ABCA13: variants seen among roughly 807,000 people sequenced by gnomAD.
ABCA13 encodes the protein ATP binding cassette subfamily A member 13.
A neutral mutation model predicts 478.7 loss-of-function variants in ABCA13; 476 were observed. The observed-to-expected ratio is 0.99, with a 90% CI of 0.92 to 1.07. ABCA13 has a LOEUF of 1.07. ABCA13 is among the 50% of genes least tolerant of loss of function. The pLI, the probability that ABCA13 is intolerant of heterozygous loss-of-function variation, is 0.00. For synonymous variants in ABCA13, 2,252 were observed against 2,158.9 expected (o/e 1.04, Z -1.20); for missense variants, 6,060 against 5,910.6 (o/e 1.03, Z -0.83).
chr7:48,197,150 A>T (rs942706969), intron 2 of ABCA13, among the ~76,000 whole-genome samples: 5 of 152,240 alleles, frequency 3.3e-5, no homozygotes, highest in Admixed American at 6.5e-5. Flanking sequence ...CAGGCTGCAC[A>T]TGCAGGAGGA....
intron 55 of ABCA13, among the ~76,000 whole-genome samples, chr7:48,532,099 A>G (rs1020485017): frequency 6.6e-6 from 1 of 152,082 alleles, no homozygotes; most frequent in Non-Finnish European, 1.5e-5. Context: ...GAATGCTTTC[A>G]GCTTGTCCCC....
At chr7:48,423,654 T>G (rs1309860555) in intron 41 of ABCA13, among the ~76,000 whole-genome samples, 1 of 152,170 alleles carries the variant, frequency 6.6e-6, no homozygotes, top group Non-Finnish European at 1.5e-5. Flanking sequence ...GATCCCCAAA[T>G]GAAGAATCCC....
intron 15 of ABCA13, among the ~76,000 whole-genome samples, chr7:48,266,117 A>G (rs142696096): frequency 1.0e-3 from 159 of 151,790 alleles, no homozygotes; most frequent in South Asian, 1.2e-3. Flanking sequence ...CATAACTGAG[A>G]TAAACTCCAC....
At chr7:48,329,373 G>A (rs1804841596) in intron 27 of ABCA13, among the ~76,000 whole-genome samples, 1 of 152,106 alleles carries the variant, frequency 6.6e-6, no homozygotes, top group East Asian at 1.9e-4. Flanking sequence ...GTTATTTCAT[G>A]TTCTATTGAA....
chr7:48,450,304 A>T (rs1387343704), intron 42 of ABCA13, among the ~76,000 whole-genome samples: 2 of 152,208 alleles, frequency 1.3e-5, no homozygotes, highest in East Asian at 3.8e-4. Flanking sequence ...TTATTTCCTG[A>T]ATAAGTGTAC....
chr7:48,330,377 C>G (rs1287684975), intron 27 of ABCA13, among the ~76,000 whole-genome samples: 1 of 151,444 alleles, frequency 6.6e-6, no homozygotes, highest in Non-Finnish European at 1.5e-5. Context: ...ATCCATCCAT[C>G]CATTCATCCA....
intron 31 of ABCA13, among the ~76,000 whole-genome samples, chr7:48,366,389 G>A (rs988806485): frequency 3.3e-5 from 5 of 151,896 alleles, no homozygotes; most frequent in Admixed American, 1.3e-4. Context: ...CTCACTTTTG[G>A]TTAAGCTAGT....
intron 35 of ABCA13, among the ~76,000 whole-genome samples, chr7:48,379,596 T>TA (rs1166467443): frequency 6.6e-6 from 1 of 152,064 alleles, no homozygotes; most frequent in African/African-American, 2.4e-5. Context: ...AGTTCGGATT[T>TA]AAAAGAAGGA....
chr7:48,501,997 C>T (rs893346599), intron 48 of ABCA13, among the ~76,000 whole-genome samples: 1 of 152,172 alleles, frequency 6.6e-6, no homozygotes, highest in African/African-American at 2.4e-5. Flanking sequence ...ACACAAGGGC[C>T]TGTCCAAGCT....
At chr7:48,431,221 T>C (rs1822096712) in intron 42 of ABCA13, among the ~76,000 whole-genome samples, 2 of 152,110 alleles carry the variant, frequency 1.3e-5, no homozygotes, top group African/African-American at 4.8e-5. Context: ...TTAATAGAGA[T>C]GGGATTTCAC....
chr7:48,426,454 T>C (rs923311071), intron 41 of ABCA13, among the ~76,000 whole-genome samples: 2 of 152,124 alleles, frequency 1.3e-5, no homozygotes, highest in African/African-American at 4.8e-5. Flanking sequence ...TTTTTGCTTG[T>C]TTAGAGGAAT....
intron 57 of ABCA13, among the ~76,000 whole-genome samples, chr7:48,591,435 T>A (rs1288010588): frequency 6.6e-6 from 1 of 152,028 alleles, no homozygotes. Flanking sequence ...TTCTTCTTGC[T>A]TACTTTCTTT....
Position 48,520,286 on chromosome 7 carries a change from A to G in ABCA13, c.14043A>G (p.Arg4681=), listed in dbSNP as rs753850357. The change falls in exon 53 of 62, where the codon CGA becomes CGG. Residue 4681 remains arginine (R), a synonymous_variant. Transcript: ENST00000435803. ...TTCTGCTACACTGGGACCTTCTGCG[A>G]TGGCCAAGGTGGGTTCTGAAGGACT... ...LRVLLHWDLL[R]WPRGHSTLQG... The G allele has an allele frequency of 6.2e-7, 1 of 1,610,924 alleles. No individual in the cohort carries two copies. Among genetic ancestry groups the G allele is most frequent in the South Asian group, 1.1e-5 (1 of 90,760 alleles).
chr7:48,278,704 A>G lies in ABCA13; in HGVS notation c.7510A>G (p.Met2504Val). Reference protein sequence around the residue: ...PLLEMSGTLVMLLNDSADLRD... With the variant: ...PLLEMSGTLVVLLNDSADLRD... ...CTTAGAAATGTCTGGGACTCTGGTC[A>G]TGCTGTTGAATGACAGTGCTGACCT... The change falls in exon 18 of 62, where the codon ATG becomes GTG. Residue 2504 changes from methionine (M) to valine (V), a missense_variant. This residue lies in a region of ABCA13 where 4,423 missense variants were observed against 4,309.1 expected (regional missense o/e 1.03). Transcript: ENST00000435803. The G allele has an allele frequency of 6.2e-7, 1 of 1,613,928 alleles. No individual in the cohort carries two copies.
chr7:48,477,310 A>T (rs530882111), intron 45 of ABCA13, among the ~76,000 whole-genome samples: 12 of 152,294 alleles, frequency 7.9e-5, no homozygotes, highest in African/African-American at 2.9e-4. Flanking sequence ...AACTAGTTCA[A>T]CCATTGTGGA....
In ABCA13 at chr7:48,455,218, G is replaced by C; in HGVS notation, c.12747G>C (p.Leu4249=). 1 of 1,600,752 alleles carries C rather than the reference G, an allele frequency of 6.2e-7. No homozygotes were observed. The highest frequency in any genetic ancestry group is 8.5e-7 in the Non-Finnish European group (1 of 1,174,066). Residue 4249 remains leucine, a synonymous_variant, in exon 43 of 62, where the codon CTG becomes CTC. Transcript: ENST00000435803. The part of the protein sequence containing the change: ...LAMGLFMVRP[L]ATEYPPLRLT... ...TGGGCTTGTTCATGGTGAGACCCCT[G>C]GCCACCGAGTACCCTCCCCTCAGAC... is the stretch of plus-strand genomic sequence containing the variant.
At chr7:48,480,317 C>G (rs576731294) in intron 45 of ABCA13, among the ~76,000 whole-genome samples, 1 of 152,256 alleles carries the variant, frequency 6.6e-6, no homozygotes, top group Non-Finnish European at 1.5e-5. Context: ...CCTGGCAACA[C>G]TCATTGTTTC....
chr7:48,565,269 CA>C (rs10559412), intron 55 of ABCA13, among the ~76,000 whole-genome samples: 1,309 of 103,090 alleles, frequency 0.013, 11 homozygotes, highest in African/African-American at 0.031. Flanking sequence ...TGGGCAAGAA[CA>C]AAAAAAAAAA....
At chr7:48,341,809 T>G (rs900967043) in intron 29 of ABCA13, among the ~76,000 whole-genome samples, 3 of 146,360 alleles carry the variant, frequency 2.0e-5, no homozygotes, top group African/African-American at 7.5e-5. Flanking sequence ...TCTTTTCTTT[T>G]CTGATATATA....
Sources: gnomAD v4.1 joint callset for allele counts (sites outside exome capture counted in the v4.1 genomes callset) on GRCh38, gnomAD v4.1.1 for gene constraint, gnomAD v4.1.1 regional missense constraint, MANE v1.5 for transcripts, NCBI Gene and HGNC (gene_info 2026-07-23, HGNC 2026-07-21) for gene names.